SH3RF1: variants seen among roughly 807,000 people sequenced by gnomAD.
SH3RF1 encodes the protein SH3 domain containing ring finger 1.
Under a neutral mutation model 74.0 loss-of-function variants are expected in SH3RF1, and 32 were observed. The ratio of observed to expected loss-of-function variants is 0.43; its 90% CI spans 0.33 to 0.58. SH3RF1 has a LOEUF of 0.58. Among genes scored for constraint, SH3RF1 ranks in the 20% least tolerant of loss-of-function variants. The probability of loss-of-function intolerance (pLI) is 0.05; values close to 1 mark genes in which losing one functional copy is unlikely to be tolerated. For missense variants in SH3RF1, 954 were observed against 1,130.9 expected (o/e 0.84, Z 2.24); for synonymous variants, 396 against 439.6 (o/e 0.90, Z 1.24).
intron 4 of SH3RF1, among the ~76,000 whole-genome samples, chr4:169,142,773 C>A (rs939163107): frequency 3.3e-5 from 5 of 152,222 alleles, no homozygotes; most frequent in African/African-American, 7.2e-5. Flanking sequence ...AATGGAAATT[C>A]ATGCCCATTT....
intron 10 of SH3RF1, among the ~76,000 whole-genome samples, chr4:169,110,999 T>G (rs191081189): frequency 6.6e-6 from 1 of 152,002 alleles, no homozygotes. Flanking sequence ...AATTACACAA[T>G]TGTACTAATC....
intron 2 of SH3RF1, among the ~76,000 whole-genome samples, chr4:169,225,236 G>A (rs1437491803): frequency 6.6e-6 from 1 of 152,166 alleles, no homozygotes; most frequent in African/African-American, 2.4e-5. Context: ...TGAAAAGGAA[G>A]GTAGTATGAC....
At chr4:169,175,358 A>C (rs1249716071) in intron 2 of SH3RF1, among the ~76,000 whole-genome samples, 3 of 152,006 alleles carry the variant, frequency 2.0e-5, no homozygotes, top group Non-Finnish European at 4.4e-5. Context: ...AAGGCTTTCT[A>C]TCATCTGGTC....
At chr4:169,190,992 T>C (rs945370376) in intron 2 of SH3RF1, among the ~76,000 whole-genome samples, 7 of 152,182 alleles carry the variant, frequency 4.6e-5, no homozygotes, top group Non-Finnish European at 1.0e-4. Flanking sequence ...TCTCAATAGA[T>C]GCAGAAAAAG....
intron 2 of SH3RF1, among the ~76,000 whole-genome samples, chr4:169,259,338 AT>A (rs900039596): frequency 1.3e-5 from 2 of 152,150 alleles, no homozygotes; most frequent in African/African-American, 4.8e-5. Context: ...CACAACGCAA[AT>A]AATCTACTAT....
intron 2 of SH3RF1, among the ~76,000 whole-genome samples, chr4:169,162,745 C>T (rs1734169603): frequency 1.3e-5 from 2 of 152,172 alleles, no homozygotes; most frequent in African/African-American, 4.8e-5. Flanking sequence ...CTCATTTTCT[C>T]CAGCTTTCTC....
At chr4:169,233,018 G>A (rs776979798) in intron 2 of SH3RF1, among the ~76,000 whole-genome samples, 2 of 152,114 alleles carry the variant, frequency 1.3e-5, no homozygotes, top group African/African-American at 2.4e-5. Flanking sequence ...GGAGGCCGAG[G>A]CAGGCAGATC....
intron 11 of SH3RF1, among the ~76,000 whole-genome samples, 179 bp from the exon 12 acceptor site, chr4:169,096,866 A>C (rs1049267939): frequency 1.3e-5 from 2 of 152,198 alleles, no homozygotes; most frequent in Non-Finnish European, 2.9e-5. Context: ...ACTAACAAAG[A>C]CTGGATTTGG....
intron 2 of SH3RF1, among the ~76,000 whole-genome samples, chr4:169,165,670 T>C (rs563206710): frequency 6.6e-6 from 1 of 151,804 alleles, no homozygotes; most frequent in African/African-American, 2.4e-5. Context: ...CTCAGTGAAA[T>C]TCAATTGCCT....
At chr4:169,191,311 A>C (rs1349129330) in intron 2 of SH3RF1, among the ~76,000 whole-genome samples, 2 of 151,726 alleles carry the variant, frequency 1.3e-5, no homozygotes, top group East Asian at 3.9e-4. Flanking sequence ...AAAAAAAAAA[A>C]AAAACCTTAG....
intron 6 of SH3RF1, among the ~76,000 whole-genome samples, chr4:169,128,220 G>C (rs933771504): frequency 6.6e-6 from 1 of 152,224 alleles, no homozygotes; most frequent in African/African-American, 2.4e-5. Context: ...AAGGAAAGGA[G>C]AGAGTCTCCC....
intron 5 of SH3RF1, among the ~76,000 whole-genome samples, chr4:169,135,174 A>AAAACAAAC (rs143567645): frequency 0.55 from 83,082 of 150,702 alleles, 24,754 homozygotes; most frequent in East Asian, 0.69. Context: ...ATCTCTATTA[A>AAAACAAAC]AAACAAACAA....
intron 3 of SH3RF1, 125 bp downstream of exon 3, chr4:169,156,279 G>T: frequency 9.5e-7 from 1 of 1,050,858 alleles, no homozygotes; most frequent in Non-Finnish European, 1.3e-6. Context: ...ATTTTCAGAA[G>T]CATAGTGAGT....
Position 169,095,767 on chromosome 4 carries a change from T to C in SH3RF1, c.*752A>G, listed in dbSNP as rs1732912303. 6.6e-6 allele frequency: 1 copy of C among 152,512 alleles called. No individual in the cohort carries two copies. Among genetic ancestry groups the C allele is most frequent in the East Asian group, 1.9e-4 (1 of 5,202 alleles). 9.4% of individuals were successfully genotyped at this position (152,512 alleles called of 1,614,324 possible). The stretch of plus-strand genomic sequence containing the variant: ...TTGTTCAAGGGTTGTGCTGTATTCT[T>C]TCTCATTGTTTCAGTCACTTCATTC... On this transcript the variant is annotated 3_prime_UTR_variant, in exon 12 of 12. Transcript: ENST00000284637.
intron 2 of SH3RF1, among the ~76,000 whole-genome samples, chr4:169,204,335 TTC>T (rs1730197241): frequency 6.6e-6 from 1 of 152,138 alleles, no homozygotes; most frequent in Non-Finnish European, 1.5e-5. Flanking sequence ...AATCATCCTA[TTC>T]TCTGTCAAAG....
intron 11 of SH3RF1, among the ~76,000 whole-genome samples, chr4:169,104,982 C>T (rs1358989055): frequency 6.6e-6 from 1 of 151,526 alleles, no homozygotes; most frequent in African/African-American, 2.4e-5. Flanking sequence ...TTCCATTTTT[C>T]CCAGTTTATT....
At chr4:169,184,040 A>G (rs980175529) in intron 2 of SH3RF1, among the ~76,000 whole-genome samples, 6 of 152,180 alleles carry the variant, frequency 3.9e-5, no homozygotes, top group African/African-American at 1.4e-4. Flanking sequence ...ATGTAGCAGT[A>G]AGGAGGCTGG....
intron 4 of SH3RF1, among the ~76,000 whole-genome samples, chr4:169,145,670 G>A (rs10016930): frequency 0.2 from 28,896 of 145,764 alleles, 2,989 homozygotes; most frequent in African/African-American, 0.27. Flanking sequence ...GGCTGGTCTC[G>A]AACTCCTGAC....
In SH3RF1 at chr4:169,262,677, A is replaced by G. The variant is rs867876320; in HGVS notation, c.393+6143T>C. Among the ~76,000 whole-genome samples the G allele has an allele frequency of 3.3e-5, 5 of 151,046 alleles. No individual in the cohort carries two copies. The Middle Eastern group carries it at 0.017, about 514-fold the overall frequency. Reference sequence around the variant, plus strand: ...GTGAGACTCTGTCTCAAAAAAATAAATAAATAAAATGATAACACTTGACCC... The same window carrying G: ...GTGAGACTCTGTCTCAAAAAAATAAGTAAATAAAATGATAACACTTGACCC... On this transcript the variant is annotated intron_variant, in intron 2 of 11. Transcript: ENST00000284637.
Sources: gnomAD v4.1 joint callset for allele counts (sites outside exome capture counted in the v4.1 genomes callset) on GRCh38, gnomAD v4.1.1 for gene constraint, MANE v1.5 for transcripts, NCBI Gene and HGNC (gene_info 2026-07-23, HGNC 2026-07-21) for gene names.